Variants in SHISA9 observed in about 807,000 individuals in gnomAD.
The protein encoded by SHISA9 is protein shisa-9.
SHISA9 carries 13 observed loss-of-function variants against 38.0 expected under a neutral mutation model. The observed-to-expected ratio is 0.34, with a 90% CI of 0.22 to 0.54. The LOEUF is 0.54. SHISA9 is among the 20% of genes least tolerant of loss of function. The pLI, the probability that SHISA9 is intolerant of heterozygous loss-of-function variation, is 0.91. For synonymous variants in SHISA9, 275 were observed against 242.0 expected, an observed-to-expected ratio of 1.14 and a Z score of -1.27; for missense variants, 538 against 575.8, an observed-to-expected ratio of 0.93 and a Z score of 0.67.
the SHISA9 span, among the ~76,000 whole-genome samples, chr16:13,379,976 C>A: frequency 2.0e-5 from 3 of 152,008 alleles, no homozygotes; most frequent in South Asian, 6.3e-4. Context: ...GTATGAAGGG[C>A]CTTTTATAAC....
the SHISA9 span, among the ~76,000 whole-genome samples, chr16:13,414,650 C>CT: frequency 2.1e-4 from 30 of 143,234 alleles, no homozygotes; most frequent in Non-Finnish European, 2.5e-4. Context: ...TTCTTTCTTT[C>CT]TTTTTTTTTT....
chr16:13,245,222 G>A (rs985068190), downstream of SHISA9, among the ~76,000 whole-genome samples: 2 of 152,170 alleles, frequency 1.3e-5, no homozygotes, highest in African/African-American at 2.4e-5. Flanking sequence ...CTGCCTTATT[G>A]CCCACATTTA....
At chr16:13,147,972 A>AG (rs1328705968) in intron 2 of SHISA9, among the ~76,000 whole-genome samples, 1 of 152,186 alleles carries the variant, frequency 6.6e-6, no homozygotes, top group African/African-American at 2.4e-5. Flanking sequence ...GAGGTCCGAG[A>AG]GGGGGACAGC....
At chr16:12,915,999 G>T (rs62029746) in intron 1 of SHISA9, among the ~76,000 whole-genome samples, 165 of 126,394 alleles carry the variant, frequency 1.3e-3, no homozygotes, top group African/African-American at 2.4e-3. Context: ...TTTTTTTTGT[G>T]TGTGTGTGTG....
At chr16:13,390,770 A>C in the SHISA9 span, among the ~76,000 whole-genome samples, 1 of 152,210 alleles carries the variant, frequency 6.6e-6, no homozygotes, top group Admixed American at 6.5e-5. Context: ...TGACACCACA[A>C]AATGGAAAGA....
At chr16:12,925,800 A>G (rs1382845306) in intron 2 of SHISA9, among the ~76,000 whole-genome samples, 1 of 152,238 alleles carries the variant, frequency 6.6e-6, no homozygotes, top group Non-Finnish European at 1.5e-5. Flanking sequence ...CTACTATAGC[A>G]TTGATACTTA....
At chr16:13,200,733 G>A (rs1596726266) in intron 2 of SHISA9, among the ~76,000 whole-genome samples, 1 of 135,198 alleles carries the variant, frequency 7.4e-6, no homozygotes. Flanking sequence ...GGATACATGC[G>A]TCTCTCCAGA....
intron 2 of SHISA9, among the ~76,000 whole-genome samples, chr16:13,024,773 G>A (rs988388524): frequency 3.9e-5 from 6 of 152,134 alleles, no homozygotes; most frequent in African/African-American, 1.4e-4. Context: ...TTTGAACAAT[G>A]CCTGCTACAC....
At chr16:12,944,225 C>T (rs943891381) in intron 2 of SHISA9, among the ~76,000 whole-genome samples, 8 of 152,204 alleles carry the variant, frequency 5.3e-5, no homozygotes, top group Non-Finnish European at 1.0e-4. Context: ...CAGCCTAGTA[C>T]AATGTCTGGC....
At chr16:13,420,492 A>G in the SHISA9 span, among the ~76,000 whole-genome samples, 3 of 152,056 alleles carry the variant, frequency 2.0e-5, no homozygotes, top group African/African-American at 4.8e-5. Context: ...TGAGGAAGGG[A>G]TGTTCAGTCT....
chr16:13,131,224 T>A (rs2050303793), intron 2 of SHISA9, among the ~76,000 whole-genome samples: 2 of 152,066 alleles, frequency 1.3e-5, no homozygotes, highest in Non-Finnish European at 2.9e-5. Context: ...AAATGGCCAT[T>A]GATGATAGAC....
chr16:13,282,587 A>G, the SHISA9 span, among the ~76,000 whole-genome samples: 3 of 152,056 alleles, frequency 2.0e-5, no homozygotes, highest in Non-Finnish European at 4.4e-5. Context: ...TTTCTGCTTC[A>G]GTATTACTCT....
chr16:13,319,859 A>G, the SHISA9 span, among the ~76,000 whole-genome samples: 4 of 150,850 alleles, frequency 2.7e-5, no homozygotes, highest in East Asian at 5.8e-4. Context: ...TCCAGCGGGG[A>G]TGGTTCTTAT....
At chr16:13,307,756 A>G in the SHISA9 span, among the ~76,000 whole-genome samples, 1 of 152,238 alleles carries the variant, frequency 6.6e-6, no homozygotes, top group East Asian at 1.9e-4. Flanking sequence ...TAGAGAGGAA[A>G]TGAACAAAAA....
intron 2 of SHISA9, among the ~76,000 whole-genome samples, chr16:12,957,919 G>A (rs940534697): frequency 6.6e-6 from 1 of 152,144 alleles, no homozygotes; most frequent in African/African-American, 2.4e-5. Context: ...ACTGATACCA[G>A]CAAGGGGGCT....
chr16:13,143,195 A>G (rs1330188347), intron 2 of SHISA9, among the ~76,000 whole-genome samples: 1 of 151,898 alleles, frequency 6.6e-6, no homozygotes, highest in African/African-American at 2.4e-5. Context: ...TTTTTGGTAC[A>G]GACAGGGTTT....
At chr16:13,379,713 G>A in the SHISA9 span, among the ~76,000 whole-genome samples, 1 of 151,976 alleles carries the variant, frequency 6.6e-6, no homozygotes, top group Non-Finnish European at 1.5e-5. Context: ...TGTCATTTTC[G>A]GCTATCTCTC....
the SHISA9 span, among the ~76,000 whole-genome samples, chr16:13,541,109 G>GCAT: frequency 6.6e-6 from 1 of 152,182 alleles, no homozygotes; most frequent in African/African-American, 2.4e-5. Context: ...TTGTAACTGT[G>GCAT]CATCTGTGTT....
At chr16:13,514,799 A>G in the SHISA9 span, among the ~76,000 whole-genome samples, 1 of 152,200 alleles carries the variant, frequency 6.6e-6, no homozygotes. Flanking sequence ...CCATTGATCC[A>G]AGAAAAATGA....
Sources: gnomAD v4.1 joint callset for allele counts (sites outside exome capture counted in the v4.1 genomes callset) on GRCh38, gnomAD v4.1.1 for gene constraint, MANE v1.5 for transcripts, NCBI Gene and HGNC (gene_info 2026-07-23, HGNC 2026-07-21) for gene names.